The following NF1 variants were observed in gnomAD, a reference collection of about 807,000 sequenced individuals.
NF1 encodes neurofibromin 1.
A neutral mutation model predicts 325.7 loss-of-function variants in NF1; 122 were observed. The observed-to-expected ratio is 0.37, with a 90% CI of 0.32 to 0.44. The LOEUF is 0.44. Among genes scored for constraint, NF1 ranks in the 20% least tolerant of loss-of-function variants. NF1 has a pLI of 1.00. For synonymous variants in NF1, 1,091 were observed against 1,186.0 expected, an observed-to-expected ratio of 0.92 and a Z score of 1.65; for missense variants, 2,140 against 3,415.4, an observed-to-expected ratio of 0.63 and a Z score of 9.31.
At chr17:31,334,755 T>G (rs1455123292) in intron 39 of NF1, 83 bp from the exon 40 acceptor site, 3 of 1,166,636 alleles carry the variant, frequency 2.6e-6, no homozygotes, top group Non-Finnish European at 3.8e-6. Context: ...CTTTTACCAT[T>G]TTTTCCCCGA....
chr17:31,302,027 T>C (rs1222772596), intron 36 of NF1, among the ~76,000 whole-genome samples: 1 of 152,312 alleles, frequency 6.6e-6, no homozygotes, highest in East Asian at 1.9e-4. Flanking sequence ...TCCTGCTGAT[T>C]AAGCAAGGAT....
intron 12 of NF1, among the ~76,000 whole-genome samples, chr17:31,213,541 T>C (rs760188512): frequency 9.9e-5 from 15 of 152,192 alleles, no homozygotes; most frequent in Admixed American, 7.2e-4. Flanking sequence ...TTCTGTATTA[T>C]ATATATGTTT....
At position 31,327,527 on chromosome 17, in the gene NF1, C is replaced by G. The variant is rs1555533555; in HGVS notation, c.5297C>G (p.Ser1766Ter). The G allele has an allele frequency of 6.2e-7, 1 of 1,613,938 alleles. No homozygotes were observed. ...KVGSTAVQVT[S>*]AERTKVLGQS... ...GGTTCTACTGCTGTCCAAGTAACTT[C>G]AGCAGAGCGAACAAAAGTCCTAGGG... Residue 1766 changes from serine to a stop codon, truncating the protein, a stop_gained, in exon 38 of 58, where the codon TCA becomes TGA. Transcript: ENST00000358273. LOFTEE classifies it high-confidence loss of function.
In NF1 at chr17:31,229,196, G is replaced by C. The variant is rs768425956; in HGVS notation, c.2581G>C (p.Ala861Pro). ...CLQQRSNSGL[A>P]TYSPPMGPVS... is the part of the protein sequence containing the mutation. Reference sequence around the variant, plus strand: ...CCAGCAGAGAAGCAATTCTGGCCTGGCAACCTATAGCCCACCCATGGGTCC... The same window carrying C: ...CCAGCAGAGAAGCAATTCTGGCCTGCCAACCTATAGCCCACCCATGGGTCC... The change falls in exon 21 of 58, where the codon GCA becomes CCA. Residue 861 changes from alanine to proline, a missense_variant. Transcript: ENST00000358273. The C allele has an allele frequency of 3.7e-6, 6 of 1,611,854 alleles. No homozygotes were observed. In the Admixed American group the frequency reaches 1.0e-4, roughly 27 times the overall value.
At chr17:31,159,940 A>G (rs979388019) in intron 3 of NF1, among the ~76,000 whole-genome samples, 1 of 152,182 alleles carries the variant, frequency 6.6e-6, no homozygotes, top group Non-Finnish European at 1.5e-5. Flanking sequence ...AAACTAGTTG[A>G]AAGAGACCTT....
chr17:31,337,787 A>G, intron 43 of NF1, 32 bp from the exon 44 acceptor site: 1 of 1,602,858 alleles, frequency 6.2e-7, no homozygotes, highest in Non-Finnish European at 8.5e-7. Context: ...ACATTTATGT[A>G]CAATATGTAT....
intron 11 of NF1, among the ~76,000 whole-genome samples, chr17:31,204,383 A>G (rs1020771733): frequency 7.9e-5 from 12 of 152,100 alleles, no homozygotes; most frequent in African/African-American, 2.9e-4. Context: ...TAATTTGTTC[A>G]TATTATGTAA....
intron 1 of NF1, among the ~76,000 whole-genome samples, chr17:31,106,810 T>C (rs551545329): frequency 6.6e-6 from 1 of 152,324 alleles, no homozygotes; most frequent in East Asian, 1.9e-4. Context: ...ATAATACACT[T>C]ATTGTACATT....
intron 57 of NF1, chr17:31,362,360 T>C: frequency 3.0e-6 from 3 of 985,220 alleles, no homozygotes; most frequent in Non-Finnish European, 3.6e-6. Flanking sequence ...TAGGGAACCA[T>C]ACAGGTAATT....
At chr17:31,140,387 T>A (rs1916128297) in intron 1 of NF1, among the ~76,000 whole-genome samples, 1 of 152,220 alleles carries the variant, frequency 6.6e-6, no homozygotes. Flanking sequence ...GTACTTGTGC[T>A]CAGTAAGTGC....
intron 51 of NF1, among the ~76,000 whole-genome samples, chr17:31,354,753 G>C (rs1387594824): frequency 6.6e-6 from 1 of 152,148 alleles, no homozygotes. Context: ...TCTAGTCCCA[G>C]GAACTCAGGA....
chr17:31,341,545 T>G (rs2069820945), intron 47 of NF1, among the ~76,000 whole-genome samples: 1 of 151,854 alleles, frequency 6.6e-6, no homozygotes, highest in Non-Finnish European at 1.5e-5. Flanking sequence ...TGTATACATA[T>G]ATTACATACA....
chr17:31,330,035 A>G (rs2069440913), intron 38 of NF1, among the ~76,000 whole-genome samples: 1 of 152,280 alleles, frequency 6.6e-6, no homozygotes, highest in East Asian at 1.9e-4. Flanking sequence ...AGGAAAGCCT[A>G]TACCCCGCCC....
At chr17:31,201,649 A>G (rs2066533280) in intron 11 of NF1, among the ~76,000 whole-genome samples, 164 bp downstream of exon 11, 1 of 152,248 alleles carries the variant, frequency 6.6e-6, no homozygotes, top group African/African-American at 2.4e-5. Flanking sequence ...TAATTGATAA[A>G]TATTTGTATT....
chr17:31,126,421 A>C (rs529910061), intron 1 of NF1, among the ~76,000 whole-genome samples: 1 of 151,894 alleles, frequency 6.6e-6, no homozygotes, highest in Non-Finnish European at 1.5e-5. Context: ...TGATTGATTC[A>C]TAGCAATTTT....
intron 4 of NF1, among the ~76,000 whole-genome samples, chr17:31,168,400 A>G (rs2065878944): frequency 6.6e-6 from 1 of 152,132 alleles, no homozygotes; most frequent in South Asian, 2.1e-4. Context: ...TGCATTGCCA[A>G]ATTTGTGGGT....
chr17:31,301,148 A>G (rs1197000793), intron 36 of NF1, among the ~76,000 whole-genome samples: 1 of 151,868 alleles, frequency 6.6e-6, no homozygotes, highest in Non-Finnish European at 1.5e-5. Context: ...GCGCACTTGC[A>G]TGTGTGTGAT....
At chr17:31,189,198 CTT>C (rs2066294649) in intron 8 of NF1, among the ~76,000 whole-genome samples, 2 of 151,986 alleles carry the variant, frequency 1.3e-5, no homozygotes, top group African/African-American at 2.4e-5. Flanking sequence ...AATTGTTTGT[CTT>C]TTGTTGATTT....
At chr17:31,256,966 A>T (rs2067593491) in intron 31 of NF1, among the ~76,000 whole-genome samples, 1 of 152,176 alleles carries the variant, frequency 6.6e-6, no homozygotes, top group Admixed American at 6.5e-5. Context: ...TTCCTGTTAG[A>T]GATTATAGAA....
Sources: gnomAD v4.1 joint callset for allele counts (sites outside exome capture counted in the v4.1 genomes callset) on GRCh38, gnomAD v4.1.1 for gene constraint, MANE v1.5 for transcripts, NCBI Gene and HGNC (gene_info 2026-07-23, HGNC 2026-07-21) for gene names.